NRCAM: variants seen among roughly 807,000 people sequenced by gnomAD.
NRCAM encodes neuronal cell adhesion molecule.
NRCAM carries 83 observed loss-of-function variants against 156.5 expected under a neutral mutation model. The observed-to-expected ratio is 0.53, with a 90% CI of 0.44 to 0.64. NRCAM has a LOEUF of 0.64. Ranked by LOEUF, NRCAM falls within the 30% of genes least tolerant of loss-of-function variation. The pLI is 0.00. For synonymous variants in NRCAM, 538 were observed against 563.9 expected (o/e 0.95, Z 0.65); for missense variants, 1,417 against 1,597.3 (o/e 0.89, Z 1.92).
At chr7:108,387,243 T>C (rs1275987488) in intron 2 of NRCAM, among the ~76,000 whole-genome samples, 1 of 152,166 alleles carries the variant, frequency 6.6e-6, no homozygotes, top group Non-Finnish European at 1.5e-5. Flanking sequence ...GTCCAATTTC[T>C]CCACATACCT....
intron 2 of NRCAM, among the ~76,000 whole-genome samples, chr7:108,358,728 A>C (rs1392454562): frequency 1.3e-5 from 2 of 152,148 alleles, no homozygotes; most frequent in African/African-American, 4.8e-5. Flanking sequence ...CCTCCTGTCA[A>C]GGGGAGTTTG....
chr7:108,292,894 C>G (rs1299810810), intron 3 of NRCAM, among the ~76,000 whole-genome samples: 1 of 152,102 alleles, frequency 6.6e-6, no homozygotes, highest in Admixed American at 6.6e-5. Flanking sequence ...AGCAAATCTC[C>G]TACACTGGTT....
At chr7:108,178,561 G>A (rs1429202622) in intron 25 of NRCAM, among the ~76,000 whole-genome samples, 2 of 152,166 alleles carry the variant, frequency 1.3e-5, no homozygotes, top group African/African-American at 4.8e-5. Context: ...CCTGCCTGCT[G>A]GGCTTTGGGC....
intron 1 of NRCAM, among the ~76,000 whole-genome samples, chr7:108,416,295 T>G (rs17421568): frequency 0.037 from 5,615 of 152,316 alleles, 174 homozygotes; most frequent in Non-Finnish European, 0.055. Context: ...AGTATCATAG[T>G]GTCTATTTTA....
At chr7:108,438,116 A>T (rs1470505498) in intron 1 of NRCAM, among the ~76,000 whole-genome samples, 1 of 151,982 alleles carries the variant, frequency 6.6e-6, no homozygotes, top group Admixed American at 6.6e-5. Flanking sequence ...TCACTGGTGA[A>T]TTCTACTCTT....
intron 3 of NRCAM, among the ~76,000 whole-genome samples, chr7:108,254,963 A>G (rs2096555512): frequency 6.6e-6 from 1 of 152,238 alleles, no homozygotes; most frequent in African/African-American, 2.4e-5. Context: ...GCAAATGTAT[A>G]TAGCAGCATT....
intron 1 of NRCAM, among the ~76,000 whole-genome samples, chr7:108,407,295 C>A (rs2099809924): frequency 6.6e-6 from 1 of 152,246 alleles, no homozygotes; most frequent in South Asian, 2.1e-4. Context: ...ATAAAGAAAC[C>A]ATATCTATTT....
chr7:108,427,752 A>C (rs1035811754), intron 1 of NRCAM, among the ~76,000 whole-genome samples: 1 of 152,232 alleles, frequency 6.6e-6, no homozygotes, highest in South Asian at 2.1e-4. Flanking sequence ...TTCTTTGTCT[A>C]GAAATTATTG....
intron 11 of NRCAM, among the ~76,000 whole-genome samples, chr7:108,212,507 A>G (rs1446816894): frequency 6.6e-6 from 1 of 152,192 alleles, no homozygotes; most frequent in Non-Finnish European, 1.5e-5. Context: ...CAATACAAGA[A>G]GCAAAGGGAG....
chr7:108,185,104 T>G (rs948860894), intron 20 of NRCAM, among the ~76,000 whole-genome samples: 2 of 152,132 alleles, frequency 1.3e-5, no homozygotes, highest in Admixed American at 1.3e-4. Context: ...ACTAAACATA[T>G]TGGCAATAAT....
At chr7:108,261,102 C>A (rs1397634971) in intron 3 of NRCAM, among the ~76,000 whole-genome samples, 8 of 152,106 alleles carry the variant, frequency 5.3e-5, no homozygotes, top group Non-Finnish European at 1.0e-4. Context: ...AAACTTAATC[C>A]ACTTTATAAT....
chr7:108,391,945 T>G (rs1452453714), intron 2 of NRCAM, among the ~76,000 whole-genome samples: 2 of 152,260 alleles, frequency 1.3e-5, no homozygotes, highest in African/African-American at 4.8e-5. Flanking sequence ...AGAGATCCGC[T>G]GTTAGTCTGA....
intron 26 of NRCAM, among the ~76,000 whole-genome samples, chr7:108,177,158 A>G (rs1364287670): frequency 6.6e-6 from 1 of 152,200 alleles, no homozygotes; most frequent in East Asian, 1.9e-4. Context: ...TATATATTCT[A>G]CAGATATAAA....
intron 3 of NRCAM, among the ~76,000 whole-genome samples, chr7:108,264,793 T>C (rs1001357286): frequency 2.6e-5 from 4 of 152,230 alleles, no homozygotes; most frequent in African/African-American, 9.6e-5. Context: ...GTCTTATTAA[T>C]TGACCTCGTT....
Position 108,402,668 on chromosome 7 carries a change from T to C in NRCAM, c.-331-3075A>G, listed in dbSNP as rs74476486. On this transcript the variant is annotated intron_variant, in intron 1 of 32. Coordinates refer to ENST00000379028, the MANE Select transcript of NRCAM (RefSeq NM_001037132.4). ...GACTTATTGCTCACAATTCTGGCCA[T>C]TGGAGCCACACCCAGGTTCATATTC... Among the ~76,000 whole-genome samples, 340 of 152,306 alleles carry C rather than the reference T, an allele frequency of 2.2e-3. 3 individuals carry two copies. Among genetic ancestry groups the C allele is most frequent in the African/African-American group, 7.7e-3 (320 of 41,578 alleles).
chr7:108,289,384 T>C (rs979629060), intron 3 of NRCAM, among the ~76,000 whole-genome samples: 1 of 152,174 alleles, frequency 6.6e-6, no homozygotes, highest in African/African-American at 2.4e-5. Flanking sequence ...TGTCATCGTG[T>C]GGTGAAAATA....
At chr7:108,153,082 C>G (rs559684545) in intron 32 of NRCAM, among the ~76,000 whole-genome samples, 4 of 152,188 alleles carry the variant, frequency 2.6e-5, no homozygotes, top group African/African-American at 9.6e-5. Flanking sequence ...GAGAACCACT[C>G]CTTTAATCAT....
intron 26 of NRCAM, 74 bp from the exon 27 acceptor site, chr7:108,176,680 C>A: frequency 8.6e-7 from 1 of 1,167,194 alleles, no homozygotes; most frequent in South Asian, 1.5e-5. Flanking sequence ...ATAAATACGT[C>A]AACTAAAAAT....
At chr7:108,336,563 C>T (rs1007438728) in intron 2 of NRCAM, among the ~76,000 whole-genome samples, 6 of 152,180 alleles carry the variant, frequency 3.9e-5, no homozygotes, top group Non-Finnish European at 5.9e-5. Flanking sequence ...ATTGTGCCAG[C>T]GAAGAATATA....
Sources: allele counts gnomAD v4.1 joint callset (sites outside exome capture counted in the v4.1 genomes callset), GRCh38; gene constraint gnomAD v4.1.1; transcripts MANE v1.5; gene names NCBI Gene and HGNC (gene_info 2026-07-23, HGNC 2026-07-21).